The following PRORP variants were observed in gnomAD, a reference collection of about 807,000 sequenced individuals.
The protein encoded by PRORP is mitochondrial ribonuclease P catalytic subunit.
A neutral mutation model predicts 59.4 loss-of-function variants in PRORP; 51 were observed. That is an observed-to-expected ratio of 0.86 (90% CI 0.69 to 1.08). The LOEUF is 1.08. PRORP is among the 50% of genes least tolerant of loss of function. The pLI, the probability that PRORP is intolerant of heterozygous loss-of-function variation, is 0.00. For missense variants in PRORP, 646 were observed against 690.3 expected (o/e 0.94, Z 0.72); for synonymous variants, 231 against 245.6 (o/e 0.94, Z 0.55).
chr14:35,134,175 G>A (rs1239225141), intron 4 of PRORP, among the ~76,000 whole-genome samples: 1 of 152,196 alleles, frequency 6.6e-6, no homozygotes, highest in African/African-American at 2.4e-5. Flanking sequence ...TTGTGGCTGA[G>A]CTGGCATTCA....
intron 4 of PRORP, among the ~76,000 whole-genome samples, chr14:35,164,490 A>G (rs2048134541): frequency 6.6e-6 from 1 of 152,240 alleles, no homozygotes; most frequent in Non-Finnish European, 1.5e-5. Flanking sequence ...TCACAGCAAC[A>G]TGGATGGAGC....
chr14:35,220,312 A>G (rs1459268511), intron 5 of PRORP, among the ~76,000 whole-genome samples: 1 of 152,204 alleles, frequency 6.6e-6, no homozygotes, highest in African/African-American at 2.4e-5. Flanking sequence ...ACAACTCTAA[A>G]GGTTAAAAAT....
At chr14:35,258,010 A>G (rs533588868) in intron 5 of PRORP, among the ~76,000 whole-genome samples, 1 of 152,058 alleles carries the variant, frequency 6.6e-6, no homozygotes, top group African/African-American at 2.4e-5. Context: ...CTCAGGAACT[A>G]CTTTTCATCA....
rs55940352 is a variant in PRORP, at chr14:35,151,639, TACACACACAC to T, written c.1167+24058_1167+24067del. ...TTATCTGACATGCTACACACACACATACACACACACACACACACACACACACACACACACA... is the reference window on the plus strand; with the variant it reads ...TTATCTGACATGCTACACACACACATACACACACACACACACACACACACA... On this transcript the variant is annotated intron_variant, in intron 4 of 7. Transcript: ENST00000534898. 1.6e-3 allele frequency among the ~76,000 whole-genome samples: 222 copies of T among 141,844 alleles called. 1 individual carries two copies. The highest frequency in any genetic ancestry group is 3.4e-3 in the African/African-American group (130 of 38,266). The allele number at this position is 141,844 out of a possible 152,430, so 93.1% of individuals were successfully genotyped here. A position where few individuals can be genotyped will look rare whatever the true frequency, so the allele number is the denominator to read the frequency against.
chr14:35,181,442 C>T (rs2048603289), intron 5 of PRORP, among the ~76,000 whole-genome samples: 1 of 152,136 alleles, frequency 6.6e-6, no homozygotes, highest in Non-Finnish European at 1.5e-5. Context: ...TGGCTCTTAT[C>T]ATTGGCAATC....
intron 2 of PRORP, among the ~76,000 whole-genome samples, chr14:35,125,476 A>G (rs2047074757): frequency 6.6e-6 from 1 of 152,086 alleles, no homozygotes; most frequent in African/African-American, 2.4e-5. Context: ...GGCTGGACTC[A>G]AACTCTTGGC....
intron 5 of PRORP, among the ~76,000 whole-genome samples, chr14:35,187,847 C>CTT (rs553681091): frequency 1.4e-4 from 21 of 147,008 alleles, no homozygotes; most frequent in Admixed American, 4.8e-4. Context: ...ATTTTCTTTT[C>CTT]TTTTTTTTTT....
At chr14:35,231,379 A>C (rs945242326) in intron 5 of PRORP, among the ~76,000 whole-genome samples, 11 of 152,190 alleles carry the variant, frequency 7.2e-5, no homozygotes, top group Non-Finnish European at 1.6e-4. Flanking sequence ...GTATATCCTG[A>C]TAAACCTTGA....
intron 5 of PRORP, among the ~76,000 whole-genome samples, chr14:35,234,627 A>T (rs1306090766): frequency 6.6e-6 from 1 of 150,558 alleles, no homozygotes; most frequent in Non-Finnish European, 1.5e-5. Context: ...TAGACTTCAA[A>T]TGTGATTAAC....
intron 5 of PRORP, among the ~76,000 whole-genome samples, chr14:35,185,967 A>C (rs2048730129): frequency 6.6e-6 from 1 of 152,190 alleles, no homozygotes; most frequent in East Asian, 1.9e-4. Flanking sequence ...TTTGCTTAAA[A>C]GTTATTTATT....
At chr14:35,162,713 G>A (rs1202477211) in intron 4 of PRORP, among the ~76,000 whole-genome samples, 1 of 151,846 alleles carries the variant, frequency 6.6e-6, no homozygotes. Context: ...TCTGTTGCAA[G>A]GTTATTGAAA....
chr14:35,260,308 T>C (rs1483766992), intron 5 of PRORP, among the ~76,000 whole-genome samples: 1 of 152,180 alleles, frequency 6.6e-6, no homozygotes, highest in Admixed American at 6.5e-5. Flanking sequence ...AAATAAACTT[T>C]CCTGTATTAG....
intron 5 of PRORP, among the ~76,000 whole-genome samples, chr14:35,201,803 G>A (rs2049158763): frequency 6.6e-6 from 1 of 151,466 alleles, no homozygotes; most frequent in Non-Finnish European, 1.5e-5. Flanking sequence ...GATTGCAGGT[G>A]TGCACCACCA....
Position 35,124,161 on chromosome 14 carries a change from T to A in PRORP, c.916T>A (p.Ser306Thr), listed in dbSNP as rs1259846041. 1 of 1,600,598 alleles carries A rather than the reference T, an allele frequency of 6.2e-7. No individual in the cohort carries two copies. Among genetic ancestry groups the A allele is most frequent in the South Asian group, 1.1e-5 (1 of 89,924 alleles). Residue 306 changes from serine (S) to threonine (T), a missense_variant, in exon 2 of 8, where the codon TCA (serine) becomes ACA (threonine). Coordinates refer to ENST00000534898, the MANE Select transcript of PRORP (RefSeq NM_014672.4). ...NYSNKLLDIL[S>T]YLRNNQLYPG... ...TTCAAATAAACTACTAGATATTCTT[T>A]CATATCTAAGAAATAATCAGCTGTA... is the stretch of plus-strand genomic sequence containing the variant.
intron 4 of PRORP, among the ~76,000 whole-genome samples, chr14:35,153,225 CA>C (rs1050797054): frequency 6.6e-6 from 1 of 152,126 alleles, no homozygotes; most frequent in African/African-American, 2.4e-5. Context: ...CCGTCTCCAC[CA>C]AAAAAATACA....
Position 35,215,772 on chromosome 14 carries a change from T to G in PRORP, c.1275+34995T>G, listed in dbSNP as rs74518589. On this transcript the variant is annotated intron_variant, in intron 5 of 7. Coordinates refer to ENST00000534898, the MANE Select transcript of PRORP (RefSeq NM_014672.4). ...CAGAGTAAGACTCTATCTCTCTTTT[T>G]TTTTTTCTTGGGGGGACAGGGTCTC... Among the ~76,000 whole-genome samples the G allele has an allele frequency of 2.4e-3, 368 of 151,840 alleles. 5 individuals carry two copies. The highest frequency in any genetic ancestry group is 8.7e-3 in the African/African-American group (359 of 41,428).
At chr14:35,231,911 T>C (rs958805193) in intron 5 of PRORP, among the ~76,000 whole-genome samples, 1 of 152,236 alleles carries the variant, frequency 6.6e-6, no homozygotes, top group African/African-American at 2.4e-5. Context: ...GCATAAGTTA[T>C]GAACTTTATT....
At chr14:35,230,667 T>G (rs1181145117) in intron 5 of PRORP, among the ~76,000 whole-genome samples, 1 of 152,164 alleles carries the variant, frequency 6.6e-6, no homozygotes, top group Non-Finnish European at 1.5e-5. Context: ...ACCTGGTGAT[T>G]CTTGTGAAAG....
intron 5 of PRORP, among the ~76,000 whole-genome samples, chr14:35,231,547 G>A (rs2050082195): frequency 1.3e-5 from 2 of 152,168 alleles, no homozygotes; most frequent in African/African-American, 4.8e-5. Flanking sequence ...AAAACAGATT[G>A]TGAACAGAAA....
Sources: gnomAD v4.1 joint callset for allele counts (sites outside exome capture counted in the v4.1 genomes callset) on GRCh38, gnomAD v4.1.1 for gene constraint, MANE v1.5 for transcripts, NCBI Gene and HGNC (gene_info 2026-07-23, HGNC 2026-07-21) for gene names.